The following HIPK2 variants were observed in gnomAD, a reference collection of about 807,000 sequenced individuals.
The protein encoded by HIPK2 is homeodomain interacting protein kinase 2, also known as homeodomain-interacting protein kinase 2.
In HIPK2, 27 loss-of-function variants were observed where a neutral mutation model predicts 113.7. The observed-to-expected ratio is 0.24, with a 90% CI of 0.17 to 0.33. The LOEUF (loss-of-function observed/expected upper bound fraction) is 0.33, where lower values mean the gene tolerates loss of function less well. HIPK2 is among the 10% of genes least tolerant of loss of function. HIPK2 has a pLI of 1.00. For synonymous variants in HIPK2, 631 were observed against 642.2 expected (o/e 0.98, Z 0.26); for missense variants, 1,257 against 1,588.0 (o/e 0.79, Z 3.54).
At chr7:139,777,320 C>T (rs979954564) in intron 1 of HIPK2, 1 of 157,952 alleles carries the variant, frequency 6.3e-6, no homozygotes, top group African/African-American at 2.4e-5. Context: ...GTCACCGGTC[C>T]GCCTTCCCCG....
At position 139,583,707 on chromosome 7, in the gene HIPK2, T is replaced by C. The variant is rs758672216; in HGVS notation, c.2965+110A>G. On this transcript the variant is annotated intron_variant, in intron 13 of 14. Coordinates refer to ENST00000406875, the MANE Select transcript of HIPK2 (RefSeq NM_022740.5). ...CTCGGTAAGGGTCGCCTGCAGTCAC[T>C]GGGCACTTTCTATTGTACTAGCTCC... is the stretch of plus-strand genomic sequence containing the variant. The C allele has an allele frequency of 4.7e-6, 7 of 1,483,518 alleles. 1 individual carries two copies. The Admixed American group carries it at 1.1e-4, about 23-fold the overall frequency. The allele number at this position is 1,483,518 out of a possible 1,614,324, so 91.9% of individuals were successfully genotyped here. A position where few individuals can be genotyped will look rare whatever the true frequency, so the allele number is the denominator to read the frequency against.
chr7:139,766,603 G>A (rs1796556812), intron 1 of HIPK2, among the ~76,000 whole-genome samples: 1 of 152,192 alleles, frequency 6.6e-6, no homozygotes, highest in African/African-American at 2.4e-5. Flanking sequence ...CACATGGCAT[G>A]GATCACTCTA....
At position 139,714,838 on chromosome 7, in the gene HIPK2, C is replaced by T. The variant is rs1038384192; in HGVS notation, c.1103+1094G>A. On this transcript the variant is annotated intron_variant, in intron 2 of 14. Transcript: ENST00000406875. This position sits in a 1 kb window ranked among gnomAD's most constrained non-coding sequence, Gnocchi z 4.2. ...AGCAGGGTCTTGCTTTCCATCCCTG[C>T]CGCCTCCCCGCTGTGCACCCGCCAT... Among the ~76,000 whole-genome samples the T allele has an allele frequency of 4.6e-5, 7 of 152,232 alleles. No individual in the cohort carries two copies. The highest frequency in any genetic ancestry group is 1.0e-4 in the Non-Finnish European group (7 of 68,036).
At chr7:139,703,188 T>C (rs1051462589) in intron 2 of HIPK2, among the ~76,000 whole-genome samples, 1 of 152,212 alleles carries the variant, frequency 6.6e-6, no homozygotes, top group African/African-American at 2.4e-5. Context: ...TAAAATCATT[T>C]TGAAAATATT....
rs1354672089 is a variant in HIPK2 at position 139,630,398 on chromosome 7, TCTTC to T, written c.1347+763_1347+766del. Among the ~76,000 whole-genome samples the T allele has an allele frequency of 3.3e-5, 5 of 152,036 alleles. No individual in the cohort carries two copies. Among genetic ancestry groups the T allele is most frequent in the African/African-American group, 1.2e-4 (5 of 41,388 alleles). ...TCTATACTGGGCAAACCCGCTTCAT[TCTTC>T]CTTTTCTTTTTTTGAGACACAGTCT... On this transcript the variant is annotated intron_variant, in intron 4 of 14. Coordinates refer to ENST00000406875, the MANE Select transcript of HIPK2 (RefSeq NM_022740.5). The surrounding 1 kb of genome is among the most constrained non-coding windows in gnomAD (Gnocchi z 4.0).
chr7:139,750,785 G>A (rs1796265740), intron 1 of HIPK2, among the ~76,000 whole-genome samples: 1 of 152,166 alleles, frequency 6.6e-6, no homozygotes, highest in Non-Finnish European at 1.5e-5. Flanking sequence ...ATACCTCTCA[G>A]TGCTTCCTAG....
chr7:139,734,134 G>C (rs1795872213), intron 1 of HIPK2, among the ~76,000 whole-genome samples: 1 of 152,200 alleles, frequency 6.6e-6, no homozygotes, highest in Admixed American at 6.5e-5. Flanking sequence ...CAAAACCAGA[G>C]CACACGTTTT....
At chr7:139,746,362 A>G (rs1447325966) in intron 1 of HIPK2, among the ~76,000 whole-genome samples, 1 of 152,128 alleles carries the variant, frequency 6.6e-6, no homozygotes, top group African/African-American at 2.4e-5. Flanking sequence ...TGGGGACCTC[A>G]GGGTTTTCTC....
intron 1 of HIPK2, among the ~76,000 whole-genome samples, chr7:139,765,839 T>C (rs925971795): frequency 6.6e-6 from 1 of 152,230 alleles, no homozygotes; most frequent in African/African-American, 2.4e-5. Context: ...TGTCAAATTT[T>C]GTCCCAGATT....
intron 12 of HIPK2, among the ~76,000 whole-genome samples, chr7:139,587,850 T>G (rs988022598): frequency 3.3e-5 from 5 of 151,688 alleles, no homozygotes; most frequent in Non-Finnish European, 7.4e-5. Context: ...TGCACTCCAG[T>G]GTGGGTGACA....
rs531299970 is a variant in HIPK2 at position 139,689,917 on chromosome 7, A to G, written c.1103+26015T>C. On this transcript the variant is annotated intron_variant, in intron 2 of 14. Transcript: ENST00000406875. The stretch of plus-strand genomic sequence containing the variant: ...GGACAAAGGCCTCAGGCAGCCTGTG[A>G]GGGGGAAAGACGCTGGGTGGATGTC... Among the ~76,000 whole-genome samples the G allele has an allele frequency of 1.2e-4, 18 of 152,156 alleles. No individual in the cohort carries two copies. In the South Asian group the frequency reaches 3.7e-3, roughly 32 times the overall value.
At chr7:139,766,047 G>T (rs1796547732) in intron 1 of HIPK2, among the ~76,000 whole-genome samples, 1 of 152,188 alleles carries the variant, frequency 6.6e-6, no homozygotes, top group Non-Finnish European at 1.5e-5. Context: ...TTTACAAGTT[G>T]CCCTCTCTCA....
At chr7:139,708,441 AG>A (rs1485315055) in intron 2 of HIPK2, among the ~76,000 whole-genome samples, 1 of 152,116 alleles carries the variant, frequency 6.6e-6, no homozygotes, top group South Asian at 2.1e-4. Flanking sequence ...CCACCCCCAG[AG>A]GGCCTGCTCA....
rs116167867 is a variant in HIPK2, at chr7:139,593,829, G to A, written c.2717+2888C>T. 2.4e-3 allele frequency among the ~76,000 whole-genome samples: 370 copies of A among 152,282 alleles called. 4 individuals are homozygous for A. Among genetic ancestry groups the A allele is most frequent in the African/African-American group, 8.3e-3 (346 of 41,562 alleles). On this transcript the variant is annotated intron_variant, in intron 12 of 14. Transcript: ENST00000406875. The stretch of plus-strand genomic sequence containing the variant: ...ATGTGTAGGAGGGAAGGTCTCCATC[G>A]CTCCAGCTGGGACACAGAAGGGCTG...
At chr7:139,643,465 C>T (rs945021690) in intron 2 of HIPK2, among the ~76,000 whole-genome samples, 1 of 152,084 alleles carries the variant, frequency 6.6e-6, no homozygotes, top group African/African-American at 2.4e-5. Context: ...AAGCGTAGCA[C>T]CAAAATCTAA....
chr7:139,690,010 G>C (rs1303555924), intron 2 of HIPK2, among the ~76,000 whole-genome samples: 2 of 150,852 alleles, frequency 1.3e-5, no homozygotes, highest in Non-Finnish European at 3.0e-5. Context: ...AGGGGGCTGG[G>C]GGAGCCTCAA....
rs1202791070 is a variant in HIPK2, at chr7:139,631,985, G to A, written c.1104-260C>T. 4.6e-5 allele frequency among the ~76,000 whole-genome samples: 7 copies of A among 152,142 alleles called. No individual in the cohort carries two copies. The highest frequency in any genetic ancestry group is 1.0e-4 in the Non-Finnish European group (7 of 68,028). On this transcript the variant is annotated intron_variant, in intron 2 of 14. Coordinates refer to ENST00000406875, the MANE Select transcript of HIPK2 (RefSeq NM_022740.5). The surrounding 1 kb of genome is among the most constrained non-coding windows in gnomAD (Gnocchi z 4.9). ...TTAGAACACACCTACAGAGAACCAC[G>A]TCTACTGACTTCATTACCTTCACAC...
chr7:139,735,615 G>A (rs1157930781), intron 1 of HIPK2, among the ~76,000 whole-genome samples: 1 of 152,194 alleles, frequency 6.6e-6, no homozygotes, highest in Non-Finnish European at 1.5e-5. Context: ...GGACGAGATG[G>A]GCCAAGGGGA....
chr7:139,647,232 G>A (rs1442320435), intron 2 of HIPK2, among the ~76,000 whole-genome samples: 1 of 151,678 alleles, frequency 6.6e-6, no homozygotes, highest in Non-Finnish European at 1.5e-5. Flanking sequence ...AGCACCCAGC[G>A]TACAGCCTTG....
Sources: allele counts gnomAD v4.1 joint callset (sites outside exome capture counted in the v4.1 genomes callset), GRCh38; gene constraint gnomAD v4.1.1; non-coding constraint Gnocchi (gnomAD v3.1); transcripts MANE v1.5; gene names NCBI Gene and HGNC (gene_info 2026-07-23, HGNC 2026-07-21).